The following PPP1R21 variants were observed in gnomAD, a reference collection of about 807,000 sequenced individuals.
The protein encoded by PPP1R21 is protein phosphatase 1 regulatory subunit 21, also known as KLRAQ motif containing 1.
A neutral mutation model predicts 112.8 loss-of-function variants in PPP1R21; 85 were observed. That is an observed-to-expected ratio of 0.75 (90% CI 0.63 to 0.90). The LOEUF is 0.90. Ranked by LOEUF, PPP1R21 falls within the 40% of genes least tolerant of loss-of-function variation. The pLI is 0.00. For missense variants in PPP1R21, 1,199 were observed against 901.5 expected, an observed-to-expected ratio of 1.33 and a Z score of -4.23; for synonymous variants, 381 against 322.3, an observed-to-expected ratio of 1.18 and a Z score of -1.95.
rs1668815251 is a variant in PPP1R21 at position 48,477,600 on chromosome 2, T to C, written c.1226-2324T>C. Among the ~76,000 whole-genome samples the C allele has an allele frequency of 5.9e-5, 9 of 152,148 alleles. No homozygotes were observed. The South Asian group carries it at 1.9e-3, about 32-fold the overall frequency. On this transcript the variant is annotated intron_variant, in intron 12 of 21. Coordinates refer to ENST00000294952, the MANE Select transcript of PPP1R21 (RefSeq NM_001135629.3). The stretch of plus-strand genomic sequence containing the variant: ...TATTTCATTGATCTGTCCACACCAG[T>C]ACCATAATATCTTGATGATTGTTGC...
chr2:48,510,088 C>A lies in PPP1R21; in HGVS notation c.2159C>A (p.Ala720Asp), dbSNP rs140038393. The A allele has an allele frequency of 1.6e-5, 26 of 1,613,700 alleles. No individual in the cohort carries two copies. In the African/African-American group the frequency reaches 3.1e-4, roughly 19 times the overall value. The change falls in exon 20 of 22, where the codon GCC (alanine) becomes GAC (aspartate). Residue 720 changes from alanine (A) to aspartate (D), a missense_variant. By Grantham distance (126) the Ala-to-Asp change is moderately radical. Coordinates refer to ENST00000294952, the MANE Select transcript of PPP1R21 (RefSeq NM_001135629.3). ...GCATTGACAGAAGAAATGAAACTTG[C>A]CAGTCAGAACATCAGCAGACTTCAG... Reference protein sequence around the residue: ...KEALTEEMKLASQNISRLQDE... With the variant: ...KEALTEEMKLDSQNISRLQDE...
intron 17 of PPP1R21, among the ~76,000 whole-genome samples, chr2:48,504,217 C>T (rs1001984392): frequency 6.6e-6 from 1 of 152,140 alleles, no homozygotes; most frequent in African/African-American, 2.4e-5. Flanking sequence ...AATTATGGCT[C>T]TTCTATTTTA....
At chr2:48,454,433 A>G in intron 2 of PPP1R21, 162 bp from the exon 3 acceptor site, 3 of 753,068 alleles carry the variant, frequency 4.0e-6, no homozygotes, top group Non-Finnish European at 6.4e-6. Flanking sequence ...ATCTTTTCAC[A>G]AAGTGCTAAA....
At chr2:48,492,814 G>A (rs542779395) in intron 15 of PPP1R21, among the ~76,000 whole-genome samples, 1 of 152,114 alleles carries the variant, frequency 6.6e-6, no homozygotes, top group Non-Finnish European at 1.5e-5. Flanking sequence ...CTATACTTCA[G>A]GAAGGTTACC....
intron 14 of PPP1R21, 45 bp downstream of exon 14, chr2:48,486,803 G>T (rs746173193): frequency 7.0e-6 from 11 of 1,570,898 alleles, no homozygotes; most frequent in African/African-American, 1.4e-5. Flanking sequence ...TCTTAAATAT[G>T]TGCTTTTTTT....
At chr2:48,514,637 G>A in intron 21 of PPP1R21, 78 bp from the exon 22 acceptor site, 1 of 1,068,298 alleles carries the variant, frequency 9.4e-7, no homozygotes, top group Non-Finnish European at 1.4e-6. Context: ...ATGGCTTTCA[G>A]ACAGCTTGGT....
intron 14 of PPP1R21, among the ~76,000 whole-genome samples, chr2:48,490,147 A>T (rs1669493922): frequency 7.0e-6 from 1 of 143,152 alleles, no homozygotes; most frequent in African/African-American, 2.6e-5. Flanking sequence ...TAAACCCAGG[A>T]GGCAGAGGTG....
At chr2:48,490,074 C>T (rs1669490561) in intron 14 of PPP1R21, among the ~76,000 whole-genome samples, 1 of 151,390 alleles carries the variant, frequency 6.6e-6, no homozygotes, top group Admixed American at 6.6e-5. Context: ...CAAAAATTAC[C>T]CGGATGTGGT....
chr2:48,468,650 CA>C (rs1053938233), intron 9 of PPP1R21, among the ~76,000 whole-genome samples: 21 of 148,516 alleles, frequency 1.4e-4, no homozygotes, highest in African/African-American at 5.2e-4. Flanking sequence ...CCGTCTCTAC[CA>C]AAAAAAAACA....
chr2:48,472,868 T>C lies in PPP1R21; in HGVS notation c.1088+1501T>C, dbSNP rs565762202. Among the ~76,000 whole-genome samples the C allele has an allele frequency of 4.0e-5, 6 of 151,576 alleles. No individual in the cohort carries two copies. In the East Asian group the frequency reaches 1.2e-3, roughly 29 times the overall value. ...TAGGAGGCTGAGATGGAAGAATCACTTGAGCCCAGGAGTTTGAGGCTGCAG... is the reference window on the plus strand; with the variant it reads ...TAGGAGGCTGAGATGGAAGAATCACCTGAGCCCAGGAGTTTGAGGCTGCAG... On this transcript the variant is annotated intron_variant, in intron 11 of 21. Transcript: ENST00000294952.
Position 48,486,673 on chromosome 2 carries a change from A to T in PPP1R21, c.1361A>T (p.Glu454Val). 1 of 1,613,604 alleles carries T rather than the reference A, an allele frequency of 6.2e-7. No homozygotes were observed. The highest frequency in any genetic ancestry group is 8.5e-7 in the Non-Finnish European group (1 of 1,179,530). Reference protein sequence around the residue: ...HYSQKAAIEHELPTATQKLIT... With the variant: ...HYSQKAAIEHVLPTATQKLIT... ...AGTCAAAAAGCTGCAATAGAGCATG[A>T]ACTTCCAACAGCAACACAGAAGCTG... is the stretch of plus-strand genomic sequence containing the variant. Residue 454 changes from glutamate (E) to valine (V), a missense_variant, in exon 14 of 22, where the codon GAA (glutamate) becomes GTA (valine). Physicochemically the swap from Glu to Val is moderately radical, Grantham distance 121 (BLOSUM62 -2). Transcript: ENST00000294952.
intron 13 of PPP1R21, among the ~76,000 whole-genome samples, chr2:48,486,017 T>C (rs2103917719): frequency 6.7e-6 from 1 of 149,498 alleles, no homozygotes; most frequent in East Asian, 1.9e-4. Context: ...TTAATACATA[T>C]GTGTATATAT....
At chr2:48,491,615 C>G (rs1187181655) in intron 15 of PPP1R21, among the ~76,000 whole-genome samples, 1 of 151,906 alleles carries the variant, frequency 6.6e-6, no homozygotes, top group South Asian at 2.1e-4. Context: ...GTAATCCTAC[C>G]ACCCAAATGT....
intron 9 of PPP1R21, among the ~76,000 whole-genome samples, chr2:48,469,261 T>TGTGTGTG (rs1372669317): frequency 2.2e-5 from 1 of 46,206 alleles, no homozygotes; most frequent in African/African-American, 7.5e-5. Flanking sequence ...TATATTTGAA[T>TGTGTGTG]TGTGTGTGTG....
chr2:48,514,874 C>A lies in PPP1R21; in HGVS notation c.*130C>A. ...GTATTGTTGGACCTAGTAAACTAGT[C>A]AGTGTTGGAAACGGCCTTGAAATAT... is the stretch of plus-strand genomic sequence containing the variant. On this transcript the variant is annotated 3_prime_UTR_variant, in exon 22 of 22. Transcript: ENST00000294952. 1 of 832,780 alleles carries A rather than the reference C, an allele frequency of 1.2e-6. No homozygotes were observed. Among genetic ancestry groups the A allele is most frequent in the South Asian group, 1.6e-5 (1 of 63,966 alleles). The allele number at this position is 832,780 out of a possible 1,614,324, so 51.6% of individuals were successfully genotyped here. A position where few individuals can be genotyped will look rare whatever the true frequency, so the allele number is the denominator to read the frequency against.
chr2:48,506,761 C>T (rs1321438405), intron 18 of PPP1R21, among the ~76,000 whole-genome samples: 5 of 152,050 alleles, frequency 3.3e-5, no homozygotes, highest in Non-Finnish European at 5.9e-5. Flanking sequence ...CTGCCTAACA[C>T]GGTGAAACCC....
chr2:48,457,029 G>A (rs1442002752), intron 3 of PPP1R21, among the ~76,000 whole-genome samples: 1 of 151,694 alleles, frequency 6.6e-6, no homozygotes, highest in Non-Finnish European at 1.5e-5. Context: ...TCCAGCCTGG[G>A]CGACAGAGTG....
chr2:48,511,420 A>G lies in PPP1R21; in HGVS notation c.2265A>G (p.Thr755=), dbSNP rs1435080194. 6.2e-7 allele frequency: 1 copy of G among 1,614,158 alleles called. No homozygotes were observed. The highest frequency in any genetic ancestry group is 8.5e-7 in the Non-Finnish European group (1 of 1,180,010). The change falls in exon 21 of 22, where the codon ACA becomes ACG. Residue 755 remains threonine, a synonymous_variant. Coordinates refer to ENST00000294952, the MANE Select transcript of PPP1R21 (RefSeq NM_001135629.3). ...MSDHLCSMNE[T]LSKQREEIDT... is the part of the protein sequence containing the mutation. ...ACCACCTGTGCAGCATGAATGAGAC[A>G]TTATCTAAACAGAGAGAAGAGATTG...
intron 7 of PPP1R21, among the ~76,000 whole-genome samples, chr2:48,463,511 G>A (rs1363420329): frequency 6.6e-6 from 1 of 152,156 alleles, no homozygotes; most frequent in Non-Finnish European, 1.5e-5. Context: ...TGAGGAAATA[G>A]GCAGAGCAGT....
Sources: allele counts gnomAD v4.1 joint callset (sites outside exome capture counted in the v4.1 genomes callset), GRCh38; gene constraint gnomAD v4.1.1; transcripts MANE v1.5; gene names NCBI Gene and HGNC (gene_info 2026-07-23, HGNC 2026-07-21).